The following GRM7 variants were observed in gnomAD, a reference collection of about 807,000 sequenced individuals.
The protein encoded by GRM7 is glutamate metabotropic receptor 7.
GRM7 carries 35 observed loss-of-function variants against 84.5 expected under a neutral mutation model. The observed-to-expected ratio is 0.41, with a 90% CI of 0.32 to 0.55. GRM7 has a LOEUF of 0.55. Among genes scored for constraint, GRM7 ranks in the 20% least tolerant of loss-of-function variants. GRM7 has a pLI of 0.19. For missense variants in GRM7, 1,003 were observed against 1,194.6 expected (o/e 0.84, Z 2.36); for synonymous variants, 487 against 455.1 (o/e 1.07, Z -0.89).
At chr3:6,913,157 A>C (rs1213895111) in intron 1 of GRM7, among the ~76,000 whole-genome samples, 1 of 152,162 alleles carries the variant, frequency 6.6e-6, no homozygotes, top group Non-Finnish European at 1.5e-5. Context: ...TTTATCTTTT[A>C]ATATATGTAG....
chr3:7,540,645 G>C (rs879459797), intron 7 of GRM7, among the ~76,000 whole-genome samples: 1 of 152,184 alleles, frequency 6.6e-6, no homozygotes, highest in Admixed American at 6.5e-5. Context: ...TTAGATAGTA[G>C]TGATGGTGCA....
chr3:6,983,937 A>G (rs762013002), intron 1 of GRM7, among the ~76,000 whole-genome samples: 3 of 152,212 alleles, frequency 2.0e-5, no homozygotes, highest in Non-Finnish European at 4.4e-5. Flanking sequence ...TTAAGCCACA[A>G]AACAATCAAA....
chr3:7,681,360 C>T (rs761891697), intron 9 of GRM7: 2 of 152,140 alleles, frequency 1.3e-5, no homozygotes, highest in Non-Finnish European at 2.9e-5. Flanking sequence ...TGAAGAAATC[C>T]TTTTTGCTCT....
intron 1 of GRM7, among the ~76,000 whole-genome samples, chr3:6,918,709 G>A (rs1484825074): frequency 6.6e-6 from 1 of 152,168 alleles, no homozygotes; most frequent in African/African-American, 2.4e-5. Context: ...CAGTAGAGCT[G>A]AGAAGTAAGG....
chr3:6,879,891 T>C (rs1695445183), intron 1 of GRM7, among the ~76,000 whole-genome samples: 1 of 152,240 alleles, frequency 6.6e-6, no homozygotes, highest in South Asian at 2.1e-4. Flanking sequence ...GGTTCTCTTA[T>C]CTTCCTGTCC....
At chr3:7,489,173 A>G (rs1344362212) in intron 7 of GRM7, among the ~76,000 whole-genome samples, 1 of 152,172 alleles carries the variant, frequency 6.6e-6, no homozygotes, top group East Asian at 1.9e-4. Context: ...GTGGTTCACC[A>G]TAAGAAATAT....
At chr3:7,059,845 A>C (rs1339679673) in intron 1 of GRM7, among the ~76,000 whole-genome samples, 1 of 151,814 alleles carries the variant, frequency 6.6e-6, no homozygotes, top group Non-Finnish European at 1.5e-5. Context: ...TCTTCTCCAG[A>C]CACAGAATCT....
chr3:7,374,781 A>G lies in GRM7; in HGVS notation c.1034-40242A>G, dbSNP rs1037926883. Among the ~76,000 whole-genome samples, 17 of 151,858 alleles carry G rather than the reference A, an allele frequency of 1.1e-4. No homozygotes were observed. The East Asian group carries it at 2.9e-3, about 26-fold the overall frequency. On this transcript the variant is annotated intron_variant, in intron 4 of 9. Coordinates refer to ENST00000357716, the MANE Select transcript of GRM7 (RefSeq NM_000844.4). ...GCTGGGATTACAGGCTTGAGCCACC[A>G]TGCCCAGCCGGTATGAGCTATTTTA...
rs1436767707 is a variant in GRM7, at chr3:7,644,427, C to A, written c.2452-35622C>A. On this transcript the variant is annotated intron_variant, in intron 8 of 9. Transcript: ENST00000357716. The stretch of plus-strand genomic sequence containing the variant: ...TTTTAACGGCACAGGCCTAATTCCT[C>A]AGTTATCTCCTGGTTGCCATTTGAT... Among the ~76,000 whole-genome samples, 7 of 152,166 alleles carry A rather than the reference C, an allele frequency of 4.6e-5. No homozygotes were observed. In the South Asian group the frequency reaches 1.2e-3, roughly 27 times the overall value.
At chr3:7,125,829 C>A (rs564560404) in intron 1 of GRM7, among the ~76,000 whole-genome samples, 25 of 152,122 alleles carry the variant, frequency 1.6e-4, no homozygotes, top group Non-Finnish European at 3.1e-4. Context: ...TTGCTGTCAT[C>A]TTTGCAACTG....
chr3:7,074,750 A>G (rs1310898403), intron 1 of GRM7, among the ~76,000 whole-genome samples: 5 of 152,232 alleles, frequency 3.3e-5, no homozygotes, highest in Admixed American at 6.5e-5. Flanking sequence ...CCAATGTAGA[A>G]TAAAGACCAT....
chr3:7,112,298 C>T (rs1258202068), intron 1 of GRM7, among the ~76,000 whole-genome samples: 1 of 151,398 alleles, frequency 6.6e-6, no homozygotes, highest in South Asian at 2.1e-4. Context: ...GATCTCAGCT[C>T]ACTACAACCT....
intron 1 of GRM7, among the ~76,000 whole-genome samples, chr3:7,034,148 A>G (rs1432086564): frequency 6.6e-6 from 1 of 152,194 alleles, no homozygotes; most frequent in African/African-American, 2.4e-5. Flanking sequence ...GTAAAATTAT[A>G]CTAGGTTCCT....
intron 8 of GRM7, among the ~76,000 whole-genome samples, chr3:7,675,085 T>TAA (rs1700073906): frequency 6.6e-6 from 1 of 152,236 alleles, no homozygotes; most frequent in Admixed American, 6.5e-5. Context: ...AAGTGGTGAT[T>TAA]CATTAGTATT....
At chr3:7,397,635 A>G (rs1025794682) in intron 4 of GRM7, among the ~76,000 whole-genome samples, 1 of 152,154 alleles carries the variant, frequency 6.6e-6, no homozygotes, top group African/African-American at 2.4e-5. Flanking sequence ...ATCATTGCAC[A>G]TTGCATGCCC....
chr3:7,442,360 G>T (rs1697323635), intron 5 of GRM7, among the ~76,000 whole-genome samples: 1 of 152,058 alleles, frequency 6.6e-6, no homozygotes, highest in Non-Finnish European at 1.5e-5. Context: ...GGAGCTTTTG[G>T]GCTGAGACTA....
intron 2 of GRM7, among the ~76,000 whole-genome samples, chr3:7,170,807 AC>A (rs906126528): frequency 6.6e-6 from 1 of 152,186 alleles, no homozygotes; most frequent in African/African-American, 2.4e-5. Flanking sequence ...CAAAGGAAAT[AC>A]TTGATGAAAC....
chr3:7,121,138 T>C (rs971114895), intron 1 of GRM7, among the ~76,000 whole-genome samples: 1 of 152,212 alleles, frequency 6.6e-6, no homozygotes, highest in Admixed American at 6.5e-5. Context: ...ATGAGAACTT[T>C]CTGTGACTGC....
chr3:7,677,806 G>A (rs186349543), intron 8 of GRM7, among the ~76,000 whole-genome samples: 3 of 152,138 alleles, frequency 2.0e-5, no homozygotes, highest in South Asian at 2.1e-4. Context: ...ACCAAAAGAC[G>A]CATGTACTCA....
Sources: allele counts gnomAD v4.1 joint callset (sites outside exome capture counted in the v4.1 genomes callset), GRCh38; gene constraint gnomAD v4.1.1; transcripts MANE v1.5; gene names NCBI Gene and HGNC (gene_info 2026-07-23, HGNC 2026-07-21).